DNAH17: variants seen among roughly 807,000 people sequenced by gnomAD.
DNAH17 encodes the protein axonemal beta dynein heavy chain 17.
DNAH17 carries 376 observed loss-of-function variants against 485.6 expected under a neutral mutation model. That is an observed-to-expected ratio of 0.77 (90% CI 0.71 to 0.84). The LOEUF (loss-of-function observed/expected upper bound fraction) is 0.84. Ranked by LOEUF, DNAH17 falls within the 40% of genes least tolerant of loss-of-function variation. The probability of loss-of-function intolerance (pLI) is 0.00; values close to 1 mark genes in which losing one functional copy is unlikely to be tolerated. For synonymous variants in DNAH17, 3,031 were observed against 2,405.9 expected (o/e 1.26, Z -7.60); for missense variants, 6,370 against 5,839.3 (o/e 1.09, Z -2.96).
chr17:78,510,751 G>GCCCCCCCC (rs3031639), intron 26 of DNAH17: 7 of 378,296 alleles, frequency 1.9e-5, no homozygotes, highest in African/African-American at 1.1e-4. Context: ...CGGAATTGCG[G>GCCCCCCCC]CCCCCCCGCA....
At position 78,566,486 on chromosome 17, in the gene DNAH17, G is replaced by A. The variant is rs116707995; in HGVS notation, c.1569+128C>T. The stretch of plus-strand genomic sequence containing the variant: ...TGACTGACTCTGAGGCACAGGAGAC[G>A]GGCCCTCCCTCCCTGGACATCAGCT... On this transcript the variant is annotated intron_variant, in intron 11 of 80. Coordinates refer to ENST00000389840, the MANE Select transcript of DNAH17 (RefSeq NM_173628.4). 848 of 686,254 alleles carry A rather than the reference G, an allele frequency of 1.2e-3. 5 individuals carry two copies. In the African/African-American group the frequency reaches 0.013, roughly 11 times the overall value. 42.5% of individuals were successfully genotyped at this position (686,254 alleles called of 1,614,324 possible). A position where few individuals can be genotyped will look rare whatever the true frequency, so the allele number is the denominator to read the frequency against.
Position 78,466,835 on chromosome 17 carries a change from G to A in DNAH17, c.8779-19C>T, listed in dbSNP as rs376326398. 5 of 1,551,988 alleles carry A rather than the reference G, an allele frequency of 3.2e-6. No homozygotes were observed. The South Asian group carries it at 6.0e-5, about 19-fold the overall frequency. On this transcript the variant is annotated intron_variant, in intron 55 of 80. Coordinates refer to ENST00000389840, the MANE Select transcript of DNAH17 (RefSeq NM_173628.4). ...GGATCACCTGGGTGTGGGAGACACAGATGCGCTGCCTACTGGGACTGCAGT... is the reference window on the plus strand; with the variant it reads ...GGATCACCTGGGTGTGGGAGACACAAATGCGCTGCCTACTGGGACTGCAGT...
At chr17:78,532,064 C>T (rs903333897) in intron 20 of DNAH17, among the ~76,000 whole-genome samples, 9 of 152,324 alleles carry the variant, frequency 5.9e-5, no homozygotes, top group African/African-American at 9.6e-5. Flanking sequence ...TTCTGGGCTG[C>T]TACCCACTAG....
intron 75 of DNAH17, among the ~76,000 whole-genome samples, chr17:78,432,432 A>G (rs1043968985): frequency 6.6e-6 from 1 of 152,150 alleles, no homozygotes; most frequent in African/African-American, 2.4e-5. Context: ...TCTATGGCCC[A>G]TGGTGGCCCA....
At chr17:78,471,431 G>A (rs1258875785) in intron 54 of DNAH17, among the ~76,000 whole-genome samples, 3 of 152,238 alleles carry the variant, frequency 2.0e-5, no homozygotes, top group Non-Finnish European at 4.4e-5. Context: ...CAATGACCTT[G>A]AGTCAAAGAC....
chr17:78,476,682 G>C lies in DNAH17; in HGVS notation c.8044C>G (p.Arg2682Gly). The change falls in exon 52 of 81, where the codon CGC (arginine) becomes GGC (glycine). Residue 2682 changes from arginine to glycine, a missense_variant. Transcript: ENST00000389840. ...EVLKTPLDLV[R>G]LWLHETERVY... ...CGTTCAGTCTCATGTAGCCAAAGGC[G>C]GACGAGGTCCAGTGGGGTTTTCAGA... is the stretch of plus-strand genomic sequence containing the variant. The C allele has an allele frequency of 1.2e-6, 2 of 1,612,978 alleles. No homozygotes were observed. Among genetic ancestry groups the C allele is most frequent in the Non-Finnish European group, 1.7e-6 (2 of 1,179,464 alleles).
Position 78,475,659 on chromosome 17 carries a change from GC to G in DNAH17, c.8319+9del. The G allele has an allele frequency of 6.2e-7, 1 of 1,613,364 alleles. No homozygotes were observed. Among genetic ancestry groups the G allele is most frequent in the Non-Finnish European group, 8.5e-7 (1 of 1,179,624 alleles). The stretch of plus-strand genomic sequence containing the variant: ...TCCCGTGCCCTTGCTATCAGCTCCA[GC>G]CTGCTCACCAAATTCATGACTGCAT... On this transcript the variant is annotated intron_variant, in intron 53 of 80. Transcript: ENST00000389840.
chr17:78,446,527 C>T (rs928376471), intron 69 of DNAH17, among the ~76,000 whole-genome samples: 1 of 152,212 alleles, frequency 6.6e-6, no homozygotes, highest in Non-Finnish European at 1.5e-5. Flanking sequence ...GAGTAATACT[C>T]CATTCTTGAA....
At chr17:78,475,887 C>A (rs1386083951) in intron 52 of DNAH17, 54 bp from the exon 53 acceptor site, 4 of 1,582,498 alleles carry the variant, frequency 2.5e-6, no homozygotes, top group Non-Finnish European at 1.7e-6. Context: ...CATGACCACA[C>A]AGATAGTTAA....
rs113246600 is a variant in DNAH17, at chr17:78,461,120, C to CGG, written c.9339+422_9339+423dup. Reference sequence around the variant, plus strand: ...CCAGGCCAGTAACGTCCTACCCTCTCGGGGGGGGCCCGGAGCCGCACGTCT... The same window carrying CGG: ...CCAGGCCAGTAACGTCCTACCCTCTCGGGGGGGGGGCCCGGAGCCGCACGTCT... On this transcript the variant is annotated intron_variant, in intron 58 of 80. Transcript: ENST00000389840. Among the ~76,000 whole-genome samples, 129 of 151,522 alleles carry CGG rather than the reference C, an allele frequency of 8.5e-4. 2 individuals carry two copies. In the South Asian group the frequency reaches 0.015, roughly 18 times the overall value.
intron 54 of DNAH17, chr17:78,472,537 C>G (rs1326017610): frequency 3.5e-6 from 1 of 284,634 alleles, no homozygotes; most frequent in Non-Finnish European, 7.0e-6. Context: ...AGGCTTTCTT[C>G]ATGGGGCAGC....
At chr17:78,530,298 T>C in intron 21 of DNAH17, 45 bp downstream of exon 21, 3 of 1,553,460 alleles carry the variant, frequency 1.9e-6, no homozygotes, top group Non-Finnish European at 2.6e-6. Context: ...TCCCTGGTGC[T>C]CTGCACATTC....
At chr17:78,504,991 T>C (rs2090440665) in intron 31 of DNAH17, among the ~76,000 whole-genome samples, 1 of 137,180 alleles carries the variant, frequency 7.3e-6, no homozygotes, top group Non-Finnish European at 1.5e-5. Context: ...CGGCAACCTC[T>C]GCCTCCCGGG....
At chr17:78,516,476 C>T (rs1029231233) in intron 25 of DNAH17, among the ~76,000 whole-genome samples, 7 of 152,184 alleles carry the variant, frequency 4.6e-5, no homozygotes, top group African/African-American at 1.7e-4. Context: ...CACCTGAGGT[C>T]AGGAGTTCGA....
intron 43 of DNAH17, 62 bp from the exon 44 acceptor site, chr17:78,490,909 TG>T: frequency 6.7e-7 from 1 of 1,501,678 alleles, no homozygotes; most frequent in Non-Finnish European, 8.9e-7. Flanking sequence ...AATGGTGTTC[TG>T]GGGTGGGGGT....
At chr17:78,448,319 C>T (rs529319009) in intron 69 of DNAH17, among the ~76,000 whole-genome samples, 103 of 151,408 alleles carry the variant, frequency 6.8e-4, no homozygotes, top group African/African-American at 2.3e-3. Flanking sequence ...GGCAACAGAG[C>T]GAGACTTTGT....
rs760735757 is a variant in DNAH17 at position 78,479,019 on chromosome 17, C to T, written c.7992+6G>A. ...CAGGCATGACATAAAGCTACAAGAG[C>T]AGTACCTGGAAAATATTGGAGAGGT... On this transcript the variant is annotated splice_donor_region_variant and intron_variant, in intron 51 of 80. Coordinates refer to ENST00000389840, the MANE Select transcript of DNAH17 (RefSeq NM_173628.4). 15 of 1,612,616 alleles carry T rather than the reference C, an allele frequency of 9.3e-6. No homozygotes were observed. In the Admixed American group the frequency reaches 2.0e-4, roughly 22 times the overall value.
At chr17:78,543,050 T>TG (rs1331387121) in intron 17 of DNAH17, among the ~76,000 whole-genome samples, 1 of 152,228 alleles carries the variant, frequency 6.6e-6, no homozygotes, top group Admixed American at 6.5e-5. Context: ...GAACCAGGCT[T>TG]GGAAGTGTAC....
chr17:78,510,111 G>A (rs2090592519), intron 27 of DNAH17, among the ~76,000 whole-genome samples: 1 of 152,256 alleles, frequency 6.6e-6, no homozygotes, highest in African/African-American at 2.4e-5. Context: ...GAACCCAGGA[G>A]GTGGAGGTTG....
Sources: gnomAD v4.1 joint callset for allele counts (sites outside exome capture counted in the v4.1 genomes callset) on GRCh38, gnomAD v4.1.1 for gene constraint, MANE v1.5 for transcripts, NCBI Gene and HGNC (gene_info 2026-07-23, HGNC 2026-07-21) for gene names.